Variants in AATF observed in about 807,000 individuals in gnomAD.
AATF encodes protein AATF.
AATF carries 48 observed loss-of-function variants against 63.7 expected under a neutral mutation model. That is an observed-to-expected ratio of 0.75 (90% CI 0.60 to 0.96). The LOEUF (loss-of-function observed/expected upper bound fraction) is 0.96, where lower values mean the gene tolerates loss of function less well. Ranked by LOEUF, AATF falls within the 40% of genes least tolerant of loss-of-function variation. AATF has a pLI of 0.00. For missense variants in AATF, 639 were observed against 685.7 expected (o/e 0.93, Z 0.76); for synonymous variants, 258 against 247.7 (o/e 1.04, Z -0.39).
At chr17:36,996,206 T>G (rs980028189) in intron 8 of AATF, among the ~76,000 whole-genome samples, 1 of 152,068 alleles carries the variant, frequency 6.6e-6, no homozygotes, top group South Asian at 2.1e-4. Flanking sequence ...CCAAAGTGGG[T>G]GAATGACTTG....
At chr17:37,034,600 A>G (rs2071576221) in intron 11 of AATF, 1 of 152,198 alleles carries the variant, frequency 6.6e-6, no homozygotes, top group African/African-American at 2.4e-5. Flanking sequence ...GAAGGACTTT[A>G]TAAGAATGAC....
intron 8 of AATF, among the ~76,000 whole-genome samples, chr17:36,991,174 TGTTAA>T (rs1008787609): frequency 6.6e-6 from 1 of 152,214 alleles, no homozygotes; most frequent in African/African-American, 2.4e-5. Context: ...ATGGAGGATT[TGTTAA>T]GTTATTTGGT....
At chr17:37,031,315 A>G (rs975966958) in intron 10 of AATF, 2 of 414,424 alleles carry the variant, frequency 4.8e-6, no homozygotes, top group African/African-American at 2.0e-5. Context: ...AATTAAGTAT[A>G]TGGGAGCATG....
chr17:37,040,177 C>T lies in AATF; in HGVS notation c.1619+8492C>T, dbSNP rs146631417. ...TCACAGCTAAGTAACTGGCAAGTTA[C>T]TTGCAAGCCGGTAGGCAATAGCTAA... On this transcript the variant is annotated intron_variant, in intron 11 of 11. Coordinates refer to ENST00000619387, the MANE Select transcript of AATF (RefSeq NM_012138.4). Among the ~76,000 whole-genome samples the T allele has an allele frequency of 6.6e-5, 10 of 152,270 alleles. No homozygotes were observed. The East Asian group carries it at 1.9e-3, about 29-fold the overall frequency.
rs143349898 is a variant in AATF at position 36,952,886 on chromosome 17, A to G, written c.284A>G (p.Asp95Gly). The G allele has an allele frequency of 8.1e-5, 130 of 1,609,758 alleles. No homozygotes were observed. The African/African-American group carries it at 1.7e-3, about 21-fold the overall frequency. The change falls in exon 3 of 12, where the codon GAT becomes GGT. Residue 95 changes from aspartate (D) to glycine (G), a missense_variant and splice_region_variant. By Grantham distance (94) the Asp-to-Gly change is moderately conservative (BLOSUM62 -1). Coordinates refer to ENST00000619387, the MANE Select transcript of AATF (RefSeq NM_012138.4). Reference sequence around the variant, plus strand: ...TCTTTCTTCCCTCTCTTCTTTGTAGATGAGGAAATATCTGATGAGGAAGGG... The same window carrying G: ...TCTTTCTTCCCTCTCTTCTTTGTAGGTGAGGAAATATCTGATGAGGAAGGG... ...HWEQTLPGSSDEEISDEEGSG... is the reference protein window; with the variant it reads ...HWEQTLPGSSGEEISDEEGSG...
At chr17:37,014,515 G>A (rs927567272) in intron 8 of AATF, among the ~76,000 whole-genome samples, 23 of 152,112 alleles carry the variant, frequency 1.5e-4, no homozygotes, top group African/African-American at 5.6e-4. Context: ...GTGTAAACCA[G>A]GACTTTCTTG....
At chr17:36,971,611 A>G (rs549431795) in intron 4 of AATF, among the ~76,000 whole-genome samples, 1 of 152,344 alleles carries the variant, frequency 6.6e-6, no homozygotes, top group Admixed American at 6.5e-5. Context: ...ATACATTCAC[A>G]CAAAGTCTTG....
intron 11 of AATF, chr17:37,056,367 T>G (rs887310489): frequency 1.9e-6 from 1 of 523,926 alleles, no homozygotes; most frequent in African/African-American, 1.9e-5. Context: ...TACAGAACAC[T>G]CATTCCCTGG....
chr17:36,976,497 A>G (rs1182594324), intron 4 of AATF, among the ~76,000 whole-genome samples: 3 of 152,178 alleles, frequency 2.0e-5, no homozygotes, highest in African/African-American at 7.2e-5. Context: ...GGATTAGGTG[A>G]ATAAAGACAG....
At chr17:37,020,873 G>A in intron 9 of AATF, 61 bp from the exon 10 acceptor site, 1 of 1,326,742 alleles carries the variant, frequency 7.5e-7, no homozygotes, top group Non-Finnish European at 1.0e-6. Flanking sequence ...ATTCCAATTT[G>A]TCAATATGTA....
At chr17:37,026,963 A>G (rs1193743231) in intron 10 of AATF, among the ~76,000 whole-genome samples, 2 of 152,150 alleles carry the variant, frequency 1.3e-5, no homozygotes, top group African/African-American at 4.8e-5. Context: ...CCCACCATTG[A>G]GCAATTTTTG....
At chr17:37,000,276 T>C (rs2071284067) in intron 8 of AATF, among the ~76,000 whole-genome samples, 1 of 152,176 alleles carries the variant, frequency 6.6e-6, no homozygotes, top group South Asian at 2.1e-4. Context: ...TGATGGGTTG[T>C]ATGTGGTATA....
At chr17:37,040,221 G>T (rs1230323070) in intron 11 of AATF, among the ~76,000 whole-genome samples, 1 of 152,120 alleles carries the variant, frequency 6.6e-6, no homozygotes, top group African/African-American at 2.4e-5. Flanking sequence ...CCTTAATTTA[G>T]TTAGTCATAA....
chr17:37,046,627 C>T (rs1418105462), intron 11 of AATF, among the ~76,000 whole-genome samples: 3 of 152,062 alleles, frequency 2.0e-5, no homozygotes, highest in African/African-American at 7.2e-5. Flanking sequence ...GAAGTAATAG[C>T]AGAGTGCCTT....
At chr17:37,014,190 C>G (rs772955578) in intron 8 of AATF, among the ~76,000 whole-genome samples, 3 of 151,928 alleles carry the variant, frequency 2.0e-5, no homozygotes, top group Non-Finnish European at 2.9e-5. Context: ...AATAATTTGG[C>G]TGAGGAGGCA....
At chr17:37,049,405 A>T (rs2071726064) in intron 11 of AATF, among the ~76,000 whole-genome samples, 1 of 152,148 alleles carries the variant, frequency 6.6e-6, no homozygotes, top group African/African-American at 2.4e-5. Flanking sequence ...GATCGAGACC[A>T]TCCTGGCTAA....
intron 4 of AATF, among the ~76,000 whole-genome samples, chr17:36,985,056 C>G (rs190723851): frequency 5.1e-4 from 78 of 152,132 alleles, no homozygotes; most frequent in Middle Eastern, 3.4e-3. Flanking sequence ...TGCACACCAC[C>G]GTGCGCGGCT....
At chr17:36,973,537 A>G (rs1564796) in intron 4 of AATF, among the ~76,000 whole-genome samples, 33,407 of 152,136 alleles carry the variant, frequency 0.22, 4,747 homozygotes, top group Middle Eastern at 0.35. Flanking sequence ...AAATATGGAG[A>G]TGAATTTGTT....
At chr17:37,038,994 G>A (rs1370384677) in intron 11 of AATF, among the ~76,000 whole-genome samples, 1 of 152,134 alleles carries the variant, frequency 6.6e-6, no homozygotes, top group African/African-American at 2.4e-5. Context: ...TCTTCAGCTT[G>A]CCATTTTTGT....
Sources: allele counts gnomAD v4.1 joint callset (sites outside exome capture counted in the v4.1 genomes callset), GRCh38; gene constraint gnomAD v4.1.1; transcripts MANE v1.5; gene names NCBI Gene and HGNC (gene_info 2026-07-23, HGNC 2026-07-21).